Variants in GPRC6A observed in about 807,000 individuals in gnomAD.
GPRC6A encodes G protein-coupled receptor family C group 6 member A.
GPRC6A carries 54 observed loss-of-function variants against 47.0 expected under a neutral mutation model. The ratio of observed to expected loss-of-function variants is 1.15; its 90% confidence interval spans 0.92 to 1.44. The LOEUF (loss-of-function observed/expected upper bound fraction) is 1.44. Ranked by LOEUF, GPRC6A falls within the 40% of genes most tolerant of loss-of-function variation. The pLI, the probability that GPRC6A is intolerant of heterozygous loss-of-function variation, is 0.00. For missense variants in GPRC6A, 1,112 were observed against 1,105.5 expected (o/e 1.01, Z -0.08); for synonymous variants, 347 against 377.1 (o/e 0.92, Z 0.93).
At chr6:116,815,616 C>T (rs1350863340) in intron 1 of GPRC6A, among the ~76,000 whole-genome samples, 2 of 152,174 alleles carry the variant, frequency 1.3e-5, no homozygotes, top group East Asian at 1.9e-4. Flanking sequence ...ATATATTAGG[C>T]CATAAAACAA....
chr6:116,823,243 C>G (rs1227507389), intron 1 of GPRC6A, among the ~76,000 whole-genome samples: 3 of 152,226 alleles, frequency 2.0e-5, no homozygotes, highest in African/African-American at 7.2e-5. Context: ...TAAAAGCAGC[C>G]AGGCAAATTC....
intron 1 of GPRC6A, among the ~76,000 whole-genome samples, chr6:116,816,903 C>T (rs1156728015): frequency 7.9e-5 from 12 of 152,206 alleles, no homozygotes. Context: ...CGGAATCTCA[C>T]TGATTGCTAG....
At chr6:116,818,850 C>T (rs1215977610) in intron 1 of GPRC6A, among the ~76,000 whole-genome samples, 1 of 151,588 alleles carries the variant, frequency 6.6e-6, no homozygotes, top group Non-Finnish European at 1.5e-5. Context: ...CAAATTCACA[C>T]ATAACAATAT....
chr6:116,814,388 A>G (rs1443122510), intron 1 of GPRC6A, among the ~76,000 whole-genome samples: 1 of 152,258 alleles, frequency 6.6e-6, no homozygotes, highest in Non-Finnish European at 1.5e-5. Context: ...GATTAAAAAA[A>G]TGTGGCACAT....
At chr6:116,798,556 T>C (rs1390770526) in intron 4 of GPRC6A, among the ~76,000 whole-genome samples, 3 of 152,120 alleles carry the variant, frequency 2.0e-5, no homozygotes, top group Non-Finnish European at 4.4e-5. Context: ...CAGAGCACTA[T>C]GTTTTACAGG....
In GPRC6A at chr6:116,804,212, C is replaced by A. The variant is rs1239894881; in HGVS notation, c.1335+2158G>T. 1.2e-4 allele frequency among the ~76,000 whole-genome samples: 18 copies of A among 151,976 alleles called. 1 individual carries two copies. Among genetic ancestry groups the A allele is most frequent in the Admixed American group, 1.2e-3 (18 of 15,230 alleles). The stretch of plus-strand genomic sequence containing the variant: ...GTATCCTCCACACACATCTGAGGAA[C>A]ATTAAAAATCTGCTGAAGTAAAACA... On this transcript the variant is annotated intron_variant, in intron 3 of 5. Transcript: ENST00000310357.
At chr6:116,818,608 A>T (rs1430362056) in intron 1 of GPRC6A, among the ~76,000 whole-genome samples, 1 of 147,870 alleles carries the variant, frequency 6.8e-6, no homozygotes, top group Non-Finnish European at 1.5e-5. Context: ...AGCCAAACTA[A>T]GCTTCATAAG....
chr6:116,825,412 T>A, intron 1 of GPRC6A, among the ~76,000 whole-genome samples: 1 of 151,670 alleles, frequency 6.6e-6, no homozygotes, highest in South Asian at 2.1e-4. Context: ...ATCAATAGGA[T>A]TTTTGTACAC....
chr6:116,816,781 C>T (rs1036452251), intron 1 of GPRC6A, among the ~76,000 whole-genome samples: 4 of 152,172 alleles, frequency 2.6e-5, no homozygotes, highest in African/African-American at 9.7e-5. Flanking sequence ...GAGACGGACG[C>T]ACCTGGAAAA....
At chr6:116,821,822 AC>A (rs1436493217) in intron 1 of GPRC6A, among the ~76,000 whole-genome samples, 7 of 151,366 alleles carry the variant, frequency 4.6e-5, no homozygotes, top group Admixed American at 1.3e-4. Flanking sequence ...TGTCTAAAAC[AC>A]CAAAAGCAAT....
chr6:116,824,647 G>GAATTCTACC (rs1213089327), intron 1 of GPRC6A, among the ~76,000 whole-genome samples: 1 of 151,900 alleles, frequency 6.6e-6, no homozygotes, highest in Non-Finnish European at 1.5e-5. Context: ...GATTGCTGCT[G>GAATTCTACC]AATTCTACCA....
In GPRC6A at chr6:116,809,398, T is replaced by G. The variant is rs76688215; in HGVS notation, c.414A>C (p.Pro138=). 2.0e-3 allele frequency: 3,307 copies of G among 1,613,660 alleles called. 61 individuals are homozygous for G. The African/African-American group carries it at 0.038, about 19-fold the overall frequency. Residue 138 remains proline, a synonymous_variant, in exon 2 of 6, where the codon CCA becomes CCC. Coordinates refer to ENST00000310357, the MANE Select transcript of GPRC6A (RefSeq NM_148963.4). The part of the protein sequence containing the change: ...EFKCDYSSYM[P]RVKAVIGSGY... The stretch of plus-strand genomic sequence containing the variant: ...CAGAACCTATGACAGCCTTAACTCT[T>G]GGCATGTAGCTGGAATAGTCACACT...
intron 1 of GPRC6A, among the ~76,000 whole-genome samples, chr6:116,813,149 G>C (rs1433274047): frequency 1.3e-5 from 2 of 152,130 alleles, no homozygotes; most frequent in Non-Finnish European, 2.9e-5. Flanking sequence ...CTCATGGATA[G>C]AAGCATCAAT....
intron 1 of GPRC6A, among the ~76,000 whole-genome samples, chr6:116,823,253 C>A (rs2114624236): frequency 6.6e-6 from 1 of 152,268 alleles, no homozygotes; most frequent in Middle Eastern, 3.4e-3. Flanking sequence ...CAGGCAAATT[C>A]TTGACTGCTT....
intron 1 of GPRC6A, 53 bp downstream of exon 1, chr6:116,828,767 C>G (rs1465424338): frequency 6.8e-7 from 1 of 1,474,150 alleles, no homozygotes; most frequent in Non-Finnish European, 9.3e-7. Context: ...GTTTATATGT[C>G]CTAGTCTCAT....
intron 3 of GPRC6A, among the ~76,000 whole-genome samples, chr6:116,804,449 T>C (rs986004615): frequency 6.6e-6 from 1 of 152,104 alleles, no homozygotes; most frequent in Admixed American, 6.6e-5. Context: ...CCCTAAATGT[T>C]GCTGATCTTT....
At chr6:116,820,593 G>A (rs371424509) in intron 1 of GPRC6A, among the ~76,000 whole-genome samples, 6 of 148,054 alleles carry the variant, frequency 4.1e-5, no homozygotes, top group African/African-American at 1.5e-4. Context: ...TATAAACAGA[G>A]CCAAAGACAA....
intron 3 of GPRC6A, among the ~76,000 whole-genome samples, chr6:116,802,013 A>C (rs1772691221): frequency 6.6e-6 from 1 of 152,128 alleles, no homozygotes; most frequent in South Asian, 2.1e-4. Context: ...AGCAATATAC[A>C]CATGTAAACC....
chr6:116,798,069 G>T (rs1010369197), intron 4 of GPRC6A, among the ~76,000 whole-genome samples: 16 of 152,200 alleles, frequency 1.1e-4, no homozygotes, highest in African/African-American at 3.4e-4. Context: ...CCACAGTGGG[G>T]AATGAAACAC....
Sources: gnomAD v4.1 joint callset for allele counts (sites outside exome capture counted in the v4.1 genomes callset) on GRCh38, gnomAD v4.1.1 for gene constraint, MANE v1.5 for transcripts, NCBI Gene and HGNC (gene_info 2026-07-23, HGNC 2026-07-21) for gene names.